The following TBL1X variants were observed in gnomAD, a reference collection of about 807,000 sequenced individuals.
The protein encoded by TBL1X is transducin beta like 1 X-linked, also known as F-box-like/WD repeat-containing protein TBL1X.
In TBL1X, 10 loss-of-function variants were observed where a neutral mutation model predicts 50.7. That is an observed-to-expected ratio of 0.20 (90% CI 0.12 to 0.33). The LOEUF is 0.33. Ranked by LOEUF, TBL1X falls within the 10% of genes least tolerant of loss-of-function variation. TBL1X has a pLI of 1.00. For synonymous variants in TBL1X, 190 were observed against 214.7 expected, an observed-to-expected ratio of 0.88 and a Z score of 1.01; for missense variants, 340 against 504.4, an observed-to-expected ratio of 0.67 and a Z score of 3.12.
chrX:9,679,836 C>G (rs2083015235), intron 5 of TBL1X, among the ~76,000 whole-genome samples: 1 of 112,105 alleles, frequency 8.9e-6, no homozygotes, highest in Admixed American at 9.4e-5. Flanking sequence ...ACCCTGGCAC[C>G]TGGTTCTGGC....
At chrX:9,535,525 C>T (rs183686665) in intron 2 of TBL1X, among the ~76,000 whole-genome samples, 2 of 112,441 alleles carry the variant, frequency 1.8e-5, no homozygotes, top group African/African-American at 6.5e-5. Context: ...TTTGTAAACA[C>T]GCAGCCCCCC....
chrX:9,711,513 G>C lies in TBL1X; in HGVS notation c.1440-98G>C. The C allele has an allele frequency of 4.7e-6, 4 of 854,551 alleles. No homozygotes were observed. The South Asian group carries it at 1.8e-4, about 39-fold the overall frequency. 70.4% of individuals were successfully genotyped at this position (854,551 alleles called of 1,213,427 possible). A position where few individuals can be genotyped will look rare whatever the true frequency, so the allele number is the denominator to read the frequency against. On this transcript the variant is annotated intron_variant, in intron 15 of 17. Coordinates refer to ENST00000645353, the MANE Select transcript of TBL1X (RefSeq NM_005647.4). ...AGTTATTATCTTTTGAAACGTAAAA[G>C]CTGGGAAAAACAACTCCTGGAGATC...
intron 2 of TBL1X, among the ~76,000 whole-genome samples, chrX:9,583,689 C>T (rs1006603908): frequency 8.9e-6 from 1 of 112,256 alleles, no homozygotes; most frequent in Non-Finnish European, 1.9e-5. Context: ...CCGTGAATTA[C>T]CTCTTAGATT....
intron 11 of TBL1X, among the ~76,000 whole-genome samples, chrX:9,695,683 G>C (rs2083127459): frequency 8.9e-6 from 1 of 112,015 alleles, no homozygotes; most frequent in African/African-American, 3.2e-5. Flanking sequence ...GGCCTGGAGA[G>C]GGTTATTAAT....
chrX:9,552,920 G>A (rs1442094962), intron 2 of TBL1X, among the ~76,000 whole-genome samples: 1 of 111,636 alleles, frequency 9.0e-6, no homozygotes, highest in Non-Finnish European at 1.9e-5. Context: ...AGGTGGAAGG[G>A]TTATTTGAGC....
chrX:9,691,435 CAA>C (rs367934787), intron 7 of TBL1X, 142 bp from the exon 8 acceptor site: 7,559 of 345,661 alleles, frequency 0.022, no homozygotes, highest in East Asian at 0.033. Flanking sequence ...GATTCCGTCT[CAA>C]AAAAAAAAAA....
chrX:9,498,911 G>C (rs952295030), intron 1 of TBL1X, among the ~76,000 whole-genome samples: 1 of 112,125 alleles, frequency 8.9e-6, no homozygotes, highest in Admixed American at 9.4e-5. Flanking sequence ...CATCTATCAG[G>C]CTGCTTTGCC....
chrX:9,492,574 A>G (rs1017330946), intron 1 of TBL1X, among the ~76,000 whole-genome samples: 2 of 111,556 alleles, frequency 1.8e-5, no homozygotes. Flanking sequence ...TTAAAGTCAC[A>G]TTTTAGTAGT....
At chrX:9,701,993 G>C (rs1472765983) in intron 12 of TBL1X, among the ~76,000 whole-genome samples, 1 of 111,860 alleles carries the variant, frequency 8.9e-6, no homozygotes, top group Non-Finnish European at 1.9e-5. Context: ...GGAGCTGGAT[G>C]GGGAAGCGAA....
chrX:9,581,664 C>T (rs1569064318), intron 2 of TBL1X, among the ~76,000 whole-genome samples: 1 of 112,222 alleles, frequency 8.9e-6, no homozygotes, highest in Non-Finnish European at 1.9e-5. Context: ...GAAACCCATT[C>T]TAGGGTACCT....
rs139351595 is a variant in TBL1X, at chrX:9,603,317, A to G, written c.-130-36956A>G. ...ACCCACCCACCACCTTTGTTTTTAG[A>G]ATAATTAGCTAGTGATGTCACACAC... On this transcript the variant is annotated intron_variant, in intron 2 of 17. Transcript: ENST00000645353. 7.8e-4 allele frequency among the ~76,000 whole-genome samples: 88 copies of G among 112,283 alleles called. 1 individual carries two copies. The East Asian group carries it at 0.023, about 30-fold the overall frequency.
chrX:9,529,762 A>AG (rs2146971638), intron 2 of TBL1X, among the ~76,000 whole-genome samples: 1 of 96,973 alleles, frequency 1.0e-5, no homozygotes, highest in South Asian at 5.4e-4. Context: ...GGGCAACATA[A>AG]GGAGACCCTG....
At chrX:9,709,896 G>A (rs951636840) in intron 15 of TBL1X, 136 bp downstream of exon 15, 17 of 878,160 alleles carry the variant, frequency 1.9e-5, no homozygotes, top group Admixed American at 6.3e-5. Flanking sequence ...AAGGGGCCAG[G>A]ATAGAATTAC....
intron 2 of TBL1X, among the ~76,000 whole-genome samples, chrX:9,559,160 A>G (rs764929116): frequency 5.3e-5 from 6 of 112,177 alleles, no homozygotes; most frequent in Non-Finnish European, 1.1e-4. Flanking sequence ...ATTCCCTTCC[A>G]AGTGATTTCA....
At chrX:9,637,049 C>G in intron 2 of TBL1X, 1 of 112,147 alleles carries the variant, frequency 8.9e-6, no homozygotes, top group Non-Finnish European at 1.9e-5. Context: ...TTTCCAGACA[C>G]AGCGAACAGT....
intron 2 of TBL1X, among the ~76,000 whole-genome samples, chrX:9,591,531 G>A (rs2082499888): frequency 8.9e-6 from 1 of 112,464 alleles, no homozygotes; most frequent in African/African-American, 3.2e-5. Context: ...GTTTACTACT[G>A]CTTGCTTTGT....
At chrX:9,618,881 T>G (rs747960818) in intron 2 of TBL1X, among the ~76,000 whole-genome samples, 1 of 111,798 alleles carries the variant, frequency 8.9e-6, no homozygotes, top group East Asian at 2.8e-4. Context: ...CTTGGTAATA[T>G]TGAGACGCTG....
intron 2 of TBL1X, among the ~76,000 whole-genome samples, chrX:9,527,324 T>C (rs1274560965): frequency 3.6e-5 from 4 of 111,793 alleles, no homozygotes; most frequent in African/African-American, 1.3e-4. Flanking sequence ...GCCCTACAGA[T>C]TCCTTTGAGG....
intron 2 of TBL1X, among the ~76,000 whole-genome samples, chrX:9,635,128 C>T (rs2082739374): frequency 9.0e-6 from 1 of 111,164 alleles, no homozygotes; most frequent in Non-Finnish European, 1.9e-5. Flanking sequence ...GGCAGGGGGC[C>T]TCAGTCAGTG....
Sources: allele counts gnomAD v4.1 joint callset (sites outside exome capture counted in the v4.1 genomes callset), GRCh38; gene constraint gnomAD v4.1.1; transcripts MANE v1.5; gene names NCBI Gene and HGNC (gene_info 2026-07-23, HGNC 2026-07-21).